GSAP: variants seen among roughly 807,000 people sequenced by gnomAD.
GSAP encodes the protein gamma-secretase-activating protein.
A neutral mutation model predicts 131.7 loss-of-function variants in GSAP; 118 were observed. The ratio of observed to expected loss-of-function variants is 0.90; its 90% CI spans 0.77 to 1.04. The LOEUF (loss-of-function observed/expected upper bound fraction) is 1.04. Among genes scored for constraint, GSAP ranks in the 50% least tolerant of loss-of-function variants. The pLI is 0.00. For missense variants in GSAP, 1,019 were observed against 1,013.2 expected (o/e 1.01, Z -0.08); for synonymous variants, 381 against 363.4 (o/e 1.05, Z -0.55).
At chr7:77,311,522 C>T in intron 30 of GSAP, 73 bp from the exon 31 acceptor site, 1 of 741,428 alleles carries the variant, frequency 1.3e-6, no homozygotes, top group East Asian at 2.5e-5. Context: ...ACTTTGTGCT[C>T]ACAGCTCATT....
upstream of GSAP, chr7:77,416,358 G>C (rs1179750593): frequency 1.6e-6 from 2 of 1,228,942 alleles, no homozygotes; most frequent in African/African-American, 1.6e-5. Context: ...CTGGGGCCCC[G>C]CACCGCGGGC....
rs529993622 is a variant in GSAP at position 77,362,981 on chromosome 7, C to T, written c.872-321G>A. On this transcript the variant is annotated intron_variant, in intron 12 of 30. Transcript: ENST00000257626. Reference sequence around the variant, plus strand: ...TCATGAGATTCTCCTAGTAAGCATGCATTGTCCTCCCTTATCTAGCTTGTC... The same window carrying T: ...TCATGAGATTCTCCTAGTAAGCATGTATTGTCCTCCCTTATCTAGCTTGTC... Among the ~76,000 whole-genome samples the T allele has an allele frequency of 3.1e-4, 47 of 152,348 alleles. No individual in the cohort carries two copies. In the South Asian group the frequency reaches 9.5e-3, roughly 31 times the overall value.
chr7:77,328,800 C>T (rs1222272845), intron 21 of GSAP, among the ~76,000 whole-genome samples, 163 bp from the exon 22 acceptor site: 1 of 152,158 alleles, frequency 6.6e-6, no homozygotes, highest in Non-Finnish European at 1.5e-5. Context: ...GTAGTGAAAG[C>T]CACATTAGGC....
intron 2 of GSAP, among the ~76,000 whole-genome samples, chr7:77,404,862 G>T (rs1438514584): frequency 1.3e-5 from 2 of 152,160 alleles, no homozygotes; most frequent in East Asian, 1.9e-4. Context: ...CATGGTGGGC[G>T]TAAATCTTTT....
At chr7:77,401,087 C>T (rs1258856164) in intron 3 of GSAP, among the ~76,000 whole-genome samples, 1 of 151,704 alleles carries the variant, frequency 6.6e-6, no homozygotes, top group Non-Finnish European at 1.5e-5. Flanking sequence ...CCTCAGAGAT[C>T]CGGGTGACTG....
chr7:77,318,031 G>A (rs1448636158), intron 26 of GSAP, among the ~76,000 whole-genome samples: 1 of 152,178 alleles, frequency 6.6e-6, no homozygotes, highest in Non-Finnish European at 1.5e-5. Context: ...TAAATGCAGA[G>A]CAGCATATGC....
At chr7:77,393,815 A>G (rs1353110655) in intron 5 of GSAP, among the ~76,000 whole-genome samples, 1 of 151,942 alleles carries the variant, frequency 6.6e-6, no homozygotes, top group Non-Finnish European at 1.5e-5. Context: ...CTGGGATTAC[A>G]GGCGTGTGCC....
Position 77,312,180 on chromosome 7 carries a change from C to A in GSAP, c.2294G>T (p.Arg765Ile), listed in dbSNP as rs1201603617. The change falls in exon 29 of 31, where the codon AGA becomes ATA. Residue 765 changes from arginine to isoleucine, a missense_variant. Physicochemically the swap from Arg to Ile is moderately conservative, Grantham distance 97. Transcript: ENST00000257626. ...LPPLIGQKIC[R>I]LWDHPMSSNI... ...AGAACTCATAGGATGATCCCAAAGT[C>A]TACAAATCTTCTGCCCAATAAGCTA... is the stretch of plus-strand genomic sequence containing the variant. 3 of 1,597,014 alleles carry A rather than the reference C, an allele frequency of 1.9e-6. No individual in the cohort carries two copies. Among genetic ancestry groups the A allele is most frequent in the African/African-American group, 2.7e-5 (2 of 73,920 alleles).
intron 24 of GSAP, among the ~76,000 whole-genome samples, chr7:77,322,790 T>C (rs964077862): frequency 6.6e-6 from 1 of 151,972 alleles, no homozygotes; most frequent in African/African-American, 2.4e-5. Context: ...ACTATAGAAA[T>C]TCAAATATAT....
chr7:77,350,540 G>A (rs915183159), intron 18 of GSAP, among the ~76,000 whole-genome samples: 7 of 145,214 alleles, frequency 4.8e-5, no homozygotes, highest in Non-Finnish European at 9.0e-5. Context: ...GTTTGAGACC[G>A]ACCTGGCCAA....
intron 14 of GSAP, among the ~76,000 whole-genome samples, chr7:77,359,395 G>A (rs1276034645): frequency 1.3e-5 from 2 of 152,038 alleles, no homozygotes; most frequent in African/African-American, 4.8e-5. Context: ...TAAATAAATA[G>A]TAGCTCATTA....
chr7:77,410,000 G>T (rs556318574), intron 1 of GSAP, among the ~76,000 whole-genome samples: 1 of 152,200 alleles, frequency 6.6e-6, no homozygotes, highest in East Asian at 1.9e-4. Context: ...CTGGTGTGGA[G>T]CCCACTCTCT....
At position 77,321,328 on chromosome 7, in the gene GSAP, C is replaced by T. The variant is rs1397986223; in HGVS notation, c.1994+5G>A. On this transcript the variant is annotated splice_donor_5th_base_variant and intron_variant, in intron 25 of 30. Transcript: ENST00000257626. Reference sequence around the variant, plus strand: ...CCATGATAAAAGTGAGAAATACTTGCGTACAAGTGGAGAACCCAGGAATGA... The same window carrying T: ...CCATGATAAAAGTGAGAAATACTTGTGTACAAGTGGAGAACCCAGGAATGA... The T allele has an allele frequency of 1.9e-6, 3 of 1,549,484 alleles. No individual in the cohort carries two copies. Among genetic ancestry groups the T allele is most frequent in the Non-Finnish European group, 2.7e-6 (3 of 1,121,358 alleles).
intron 1 of GSAP, among the ~76,000 whole-genome samples, chr7:77,408,063 G>A (rs945517260): frequency 3.3e-5 from 5 of 152,208 alleles, no homozygotes; most frequent in African/African-American, 1.2e-4. Flanking sequence ...TGTTAGATAA[G>A]TGACTGTTAG....
chr7:77,379,447 A>C (rs1172991979), intron 8 of GSAP, among the ~76,000 whole-genome samples: 2 of 151,958 alleles, frequency 1.3e-5, no homozygotes, highest in Non-Finnish European at 2.9e-5. Flanking sequence ...GAATGAAGGC[A>C]GAAGTACTTC....
chr7:77,359,693 C>T (rs1446298599), intron 14 of GSAP, among the ~76,000 whole-genome samples: 2 of 152,132 alleles, frequency 1.3e-5, no homozygotes, highest in Admixed American at 6.6e-5. Context: ...TATTTCTGGC[C>T]TCTCCACACG....
intron 19 of GSAP, among the ~76,000 whole-genome samples, chr7:77,347,112 C>G (rs907851932): frequency 2.6e-5 from 4 of 152,034 alleles, no homozygotes; most frequent in Admixed American, 2.0e-4. Flanking sequence ...GGTGGTGAAT[C>G]GAAAGAGGGC....
chr7:77,408,003 T>C (rs1802596211), intron 1 of GSAP, among the ~76,000 whole-genome samples: 1 of 152,246 alleles, frequency 6.6e-6, no homozygotes, highest in East Asian at 1.9e-4. Flanking sequence ...ACAAATTGTA[T>C]GTTTCAATTC....
Position 77,416,260 on chromosome 7 carries a change from G to A in GSAP, c.62C>T (p.Ala21Val). The A allele has an allele frequency of 2.7e-6, 4 of 1,493,106 alleles. No individual in the cohort carries two copies. Among genetic ancestry groups the A allele is most frequent in the Non-Finnish European group, 3.6e-6 (4 of 1,123,356 alleles). 92.5% of individuals were successfully genotyped at this position (1,493,106 alleles called of 1,614,324 possible). Residue 21 changes from alanine (A) to valine (V), a missense_variant, in exon 1 of 31, where the codon GCG (alanine) becomes GTG (valine). Ala to Val is a moderately conservative substitution (Grantham distance 64). Coordinates refer to ENST00000257626, the MANE Select transcript of GSAP (RefSeq NM_017439.4). ...GCTGGCCTCCGACACTGCCCGCTGC[G>A]CCCGCAACCACGGGAGCACGTCCTT... is the stretch of plus-strand genomic sequence containing the variant. ...LGKDVLPWLR[A>V]QRAVSEASGA...
Sources: gnomAD v4.1 joint callset for allele counts (sites outside exome capture counted in the v4.1 genomes callset) on GRCh38, gnomAD v4.1.1 for gene constraint, MANE v1.5 for transcripts, NCBI Gene and HGNC (gene_info 2026-07-23, HGNC 2026-07-21) for gene names.